MRTFA: variants seen among roughly 807,000 people sequenced by gnomAD.
MRTFA encodes myocardin-related transcription factor A.
A neutral mutation model predicts 83.5 loss-of-function variants in MRTFA; 20 were observed. The observed-to-expected ratio is 0.24, with a 90% CI of 0.17 to 0.35. The LOEUF (loss-of-function observed/expected upper bound fraction) is 0.35, where lower values mean the gene tolerates loss of function less well. Ranked by LOEUF, MRTFA falls within the 10% of genes least tolerant of loss-of-function variation. The probability of loss-of-function intolerance (pLI) is 1.00; values close to 1 mark genes in which losing one functional copy is unlikely to be tolerated. For synonymous variants in MRTFA, 659 were observed against 541.2 expected (o/e 1.22, Z -3.02); for missense variants, 1,200 against 1,224.7 (o/e 0.98, Z 0.30).
chr22:40,524,799 T>C (rs1189626452), intron 3 of MRTFA, among the ~76,000 whole-genome samples: 1 of 152,200 alleles, frequency 6.6e-6, no homozygotes. Context: ...TTATTTATTT[T>C]TGTGCGTGTG....
intron 3 of MRTFA, among the ~76,000 whole-genome samples, chr22:40,465,155 C>CT (rs1330635149): frequency 1.2e-4 from 19 of 152,316 alleles, no homozygotes; most frequent in African/African-American, 4.1e-4. Flanking sequence ...TGTGAGCTAC[C>CT]TTTTATATGT....
chr22:40,411,772 G>A lies in MRTFA; in HGVS notation c.2714C>T (p.Pro905Leu), dbSNP rs750547896. The change falls in exon 15 of 15, where the codon CCA (proline) becomes CTA (leucine). Residue 905 changes from proline to leucine, a missense_variant. Coordinates refer to ENST00000355630, the MANE Select transcript of MRTFA (RefSeq NM_020831.6). ...GCGTCCAGGGAGGGAGGGTGAGCCT[G>A]GAGGAGGTGGGGCAGCCTGGGGGAG... The A allele has an allele frequency of 6.5e-7, 1 of 1,535,718 alleles. No homozygotes were observed. Among genetic ancestry groups the A allele is most frequent in the Non-Finnish European group, 8.8e-7 (1 of 1,135,822 alleles).
chr22:40,620,607 TAAGAA>T (rs1488316422), intron 1 of MRTFA, among the ~76,000 whole-genome samples: 1 of 151,924 alleles, frequency 6.6e-6, no homozygotes, highest in African/African-American at 2.4e-5. Flanking sequence ...AATTCACTGT[TAAGAA>T]AAGCATGCTG....
At chr22:40,608,986 T>G (rs1201793163) in intron 1 of MRTFA, among the ~76,000 whole-genome samples, 1 of 152,096 alleles carries the variant, frequency 6.6e-6, no homozygotes, top group East Asian at 1.9e-4. Flanking sequence ...CTTTACGTTG[T>G]TGGTAGGAAT....
intron 3 of MRTFA, among the ~76,000 whole-genome samples, chr22:40,502,027 G>A (rs1602346747): frequency 7.3e-6 from 1 of 137,542 alleles, no homozygotes; most frequent in Non-Finnish European, 1.6e-5. Context: ...GGCCAGGCGG[G>A]GGGCTGACCC....
chr22:40,626,482 G>A lies in MRTFA; in HGVS notation c.-84+9996C>T, dbSNP rs531366005. On this transcript the variant is annotated intron_variant, in intron 1 of 14. Coordinates refer to ENST00000355630, the MANE Select transcript of MRTFA (RefSeq NM_020831.6). ...TATTTTTTGTATTTTTTGTAGAGAC[G>A]GGGTTTTGCCATGTTATCTAGGCTG... Among the ~76,000 whole-genome samples, 73 of 152,124 alleles carry A rather than the reference G, an allele frequency of 4.8e-4. 1 individual carries two copies. The highest frequency in any genetic ancestry group is 6.8e-3 in the Middle Eastern group (2 of 294).
chr22:40,427,844 T>C (rs946306164), intron 7 of MRTFA, among the ~76,000 whole-genome samples: 3 of 152,128 alleles, frequency 2.0e-5, no homozygotes, highest in Non-Finnish European at 2.9e-5. Flanking sequence ...ATCAGCGCCA[T>C]CCACCAACCT....
At chr22:40,602,135 C>G (rs1455688176) in intron 1 of MRTFA, among the ~76,000 whole-genome samples, 3 of 152,218 alleles carry the variant, frequency 2.0e-5, no homozygotes, top group African/African-American at 7.2e-5. Context: ...GGGACCTATA[C>G]AAGACTACCA....
chr22:40,559,200 G>A (rs2055576977), intron 2 of MRTFA, among the ~76,000 whole-genome samples: 1 of 152,072 alleles, frequency 6.6e-6, no homozygotes, highest in Non-Finnish European at 1.5e-5. Context: ...GACAATCCTG[G>A]GCAACATGGC....
intron 4 of MRTFA, among the ~76,000 whole-genome samples, chr22:40,453,454 T>C (rs1451194967): frequency 2.0e-5 from 3 of 152,118 alleles, no homozygotes; most frequent in Non-Finnish European, 2.9e-5. Flanking sequence ...TGGGCTCCTA[T>C]TGGAAAGGGG....
chr22:40,617,483 T>C (rs572995045), intron 1 of MRTFA, among the ~76,000 whole-genome samples: 19 of 151,840 alleles, frequency 1.3e-4, no homozygotes, highest in Admixed American at 1.2e-3. Context: ...TGCCAGCACT[T>C]TGGGAGGCCG....
chr22:40,624,771 G>C (rs2056562710), intron 1 of MRTFA, among the ~76,000 whole-genome samples: 2 of 152,200 alleles, frequency 1.3e-5, no homozygotes, highest in South Asian at 4.1e-4. Context: ...CAGGCTATTA[G>C]ACATGTTGAA....
chr22:40,483,874 G>A (rs950237508), intron 3 of MRTFA, among the ~76,000 whole-genome samples: 4 of 151,482 alleles, frequency 2.6e-5, no homozygotes, highest in Admixed American at 1.3e-4. Flanking sequence ...TTTGCTTTTT[G>A]GGGGTTTGTT....
At chr22:40,574,989 C>T (rs1445512399) in intron 2 of MRTFA, among the ~76,000 whole-genome samples, 1 of 152,146 alleles carries the variant, frequency 6.6e-6, no homozygotes, top group African/African-American at 2.4e-5. Flanking sequence ...CTGGACTAGA[C>T]TATAAGCTAG....
rs574137481 is a variant in MRTFA at position 40,423,479 on chromosome 22, A to G, written c.927+57T>C. ...GTCCCCACAGCTGGAATGAAGTCAC[A>G]GCAGGACTCCAAAGGGCACAGGGAA... On this transcript the variant is annotated intron_variant, in intron 9 of 14. Transcript: ENST00000355630. 159 of 1,382,020 alleles carry G rather than the reference A, an allele frequency of 1.2e-4. No homozygotes were observed. In the African/African-American group the frequency reaches 2.1e-3, roughly 18 times the overall value. The allele number at this position is 1,382,020 out of a possible 1,614,324, so 85.6% of individuals were successfully genotyped here.
intron 3 of MRTFA, among the ~76,000 whole-genome samples, chr22:40,546,767 G>C (rs1234404488): frequency 2.0e-5 from 3 of 152,168 alleles, no homozygotes; most frequent in Non-Finnish European, 2.9e-5. Flanking sequence ...CAAACACCTT[G>C]GGTCCAACAG....
chr22:40,609,426 A>C (rs2056358211), intron 1 of MRTFA, among the ~76,000 whole-genome samples: 1 of 144,156 alleles, frequency 6.9e-6, no homozygotes, highest in Non-Finnish European at 1.5e-5. Context: ...GGCTATGGTG[A>C]GCTAAGACTG....
chr22:40,586,710 G>A (rs1192931256), intron 2 of MRTFA: 1 of 268,298 alleles, frequency 3.7e-6, no homozygotes, highest in Admixed American at 4.9e-5. Context: ...TCATGCAGCA[G>A]GCTTCGTTTC....
chr22:40,531,754 A>C (rs572001440), intron 3 of MRTFA, among the ~76,000 whole-genome samples: 1 of 152,232 alleles, frequency 6.6e-6, no homozygotes, highest in East Asian at 1.9e-4. Flanking sequence ...TTCATTTCCT[A>C]TCATAAAGAG....
Sources: allele counts gnomAD v4.1 joint callset (sites outside exome capture counted in the v4.1 genomes callset), GRCh38; gene constraint gnomAD v4.1.1; transcripts MANE v1.5; gene names NCBI Gene and HGNC (gene_info 2026-07-23, HGNC 2026-07-21).